Variants in PTPRQ observed in about 807,000 individuals in gnomAD.
PTPRQ encodes phosphatidylinositol phosphatase PTPRQ.
In PTPRQ, 199 loss-of-function variants were observed where a neutral mutation model predicts 246.0. That is an observed-to-expected ratio of 0.81 (90% CI 0.72 to 0.91). PTPRQ has a LOEUF of 0.91. Among genes scored for constraint, PTPRQ ranks in the 40% least tolerant of loss-of-function variants. The pLI is 0.00. For synonymous variants in PTPRQ, 869 were observed against 853.2 expected (o/e 1.02, Z -0.32); for missense variants, 2,624 against 2,528.4 (o/e 1.04, Z -0.81).
chr12:80,468,460 G>A lies in PTPRQ; in HGVS notation c.911-250G>A, dbSNP rs75832109. Among the ~76,000 whole-genome samples, 8,345 of 152,166 alleles carry A rather than the reference G, an allele frequency of 0.055. 297 individuals are homozygous for A. The highest frequency in any genetic ancestry group is 0.088 in the Middle Eastern group (26 of 294). On this transcript the variant is annotated intron_variant, in intron 6 of 44. Transcript: ENST00000644991. ...CAATGAATATTAGAATGAAACTTGCGCAGTGCAATAGTAAACAGTATTAAA... is the reference window on the plus strand; with the variant it reads ...CAATGAATATTAGAATGAAACTTGCACAGTGCAATAGTAAACAGTATTAAA...
At chr12:80,655,641 T>TAC (rs903109367) in intron 38 of PTPRQ, among the ~76,000 whole-genome samples, 2 of 151,560 alleles carry the variant, frequency 1.3e-5, no homozygotes, top group East Asian at 1.9e-4. Context: ...CACACACATG[T>TAC]ACACACACAC....
rs571001390 is a variant in PTPRQ, at chr12:80,645,595, C to T, written c.5916-3302C>T. On this transcript the variant is annotated intron_variant, in intron 35 of 44. Transcript: ENST00000644991. ...GCCCTGAAGTATATATGAGCCCAAA[C>T]ACTTGTATCCTTAATGCAGGGACTT... is the stretch of plus-strand genomic sequence containing the variant. Among the ~76,000 whole-genome samples the T allele has an allele frequency of 4.0e-5, 6 of 151,644 alleles. No individual in the cohort carries two copies. In the East Asian group the frequency reaches 5.8e-4, roughly 15 times the overall value.
Position 80,478,606 on chromosome 12 carries a change from G to C in PTPRQ, c.1187-5827G>C, listed in dbSNP as rs564070747. 1.3e-3 allele frequency among the ~76,000 whole-genome samples: 200 copies of C among 152,210 alleles called. 3 individuals carry two copies. Among genetic ancestry groups the C allele is most frequent in the Admixed American group, 2.7e-3 (42 of 15,278 alleles). ...CTACAGGAGGACATTCAAACCAAAG[G>C]CAAAGAAGTTGAAAACTGTGAAAAA... is the stretch of plus-strand genomic sequence containing the variant. On this transcript the variant is annotated intron_variant, in intron 8 of 44. Transcript: ENST00000644991.
At chr12:80,460,538 A>G (rs768687946) in intron 5 of PTPRQ, 115 bp from the exon 6 acceptor site, 167 of 395,428 alleles carry the variant, frequency 4.2e-4, no homozygotes, top group Middle Eastern at 6.3e-4. Flanking sequence ...TAACTTTTGC[A>G]TGTTATGTGT....
chr12:80,495,443 T>C, intron 12 of PTPRQ, 72 bp downstream of exon 12: 1 of 1,456,430 alleles, frequency 6.9e-7, no homozygotes, highest in Non-Finnish European at 9.0e-7. Context: ...AATATGCCCA[T>C]CTCCCTGTGC....
chr12:80,501,073 A>G (rs546250234), intron 14 of PTPRQ, among the ~76,000 whole-genome samples: 36 of 151,946 alleles, frequency 2.4e-4, no homozygotes, highest in African/African-American at 8.4e-4. Flanking sequence ...GCAATTGCCA[A>G]CTTCTTATAG....
intron 26 of PTPRQ, among the ~76,000 whole-genome samples, chr12:80,597,083 A>G (rs1424902896): frequency 6.6e-6 from 1 of 152,024 alleles, no homozygotes; most frequent in East Asian, 1.9e-4. Flanking sequence ...TATGACATAG[A>G]GAAGCTATCC....
chr12:80,591,252 A>T (rs1386005686), intron 26 of PTPRQ, among the ~76,000 whole-genome samples: 1 of 151,194 alleles, frequency 6.6e-6, no homozygotes, highest in Non-Finnish European at 1.5e-5. Flanking sequence ...CAGCCTCCTA[A>T]GTAGCTAAGA....
intron 35 of PTPRQ, among the ~76,000 whole-genome samples, chr12:80,642,916 T>C (rs1444207108): frequency 1.6e-5 from 1 of 63,940 alleles, no homozygotes; most frequent in Non-Finnish European, 2.3e-5. Context: ...CGAGACTCCG[T>C]CTTAAAAAAA....
intron 23 of PTPRQ, 116 bp downstream of exon 23, chr12:80,542,997 C>G: frequency 1.3e-6 from 1 of 744,564 alleles, no homozygotes; most frequent in Non-Finnish European, 2.0e-6. Flanking sequence ...TTTTTTTAAA[C>G]TTCTTTATTT....
At chr12:80,650,568 T>C (rs1388076506) in intron 37 of PTPRQ, among the ~76,000 whole-genome samples, 1 of 152,016 alleles carries the variant, frequency 6.6e-6, no homozygotes, top group African/African-American at 2.4e-5. Context: ...AATTCAGAAT[T>C]ATAATATTTC....
In PTPRQ at chr12:80,549,502, T is replaced by A; in HGVS notation, c.4053T>A (p.Thr1351=). The part of the protein sequence containing the change: ...DVVQNMQCMA[T]SWQSVLVKWD... The stretch of plus-strand genomic sequence containing the variant: ...TGCAGAATATGCAGTGCATGGCAAC[T>A]AGCTGGCAGTCAGTTTTAGTGAAAT... Residue 1351 remains threonine (T), a synonymous_variant, in exon 25 of 45, where the codon ACT becomes ACA. Coordinates refer to ENST00000644991, the MANE Select transcript of PTPRQ (RefSeq NM_001145026.2). 6.4e-7 allele frequency: 1 copy of A among 1,550,896 alleles called. No homozygotes were observed. The highest frequency in any genetic ancestry group is 8.7e-7 in the Non-Finnish European group (1 of 1,146,456).
chr12:80,584,611 G>T (rs771333385), intron 25 of PTPRQ, among the ~76,000 whole-genome samples: 1 of 152,030 alleles, frequency 6.6e-6, no homozygotes, highest in Non-Finnish European at 1.5e-5. Flanking sequence ...TGTTATTGCC[G>T]ACATGAATTA....
At chr12:80,464,364 T>C (rs928155013) in intron 6 of PTPRQ, among the ~76,000 whole-genome samples, 2 of 53,654 alleles carry the variant, frequency 3.7e-5, no homozygotes, top group African/African-American at 1.7e-4. Context: ...CCCAGATTCA[T>C]AAAGCAAGTC....
chr12:80,610,802 G>T (rs2121101366), intron 28 of PTPRQ, among the ~76,000 whole-genome samples, 177 bp downstream of exon 28: 1 of 150,470 alleles, frequency 6.6e-6, no homozygotes, highest in East Asian at 2.0e-4. Flanking sequence ...TTATATTTTT[G>T]AGGTAAAGAG....
At chr12:80,492,206 A>G (rs1894471951) in intron 9 of PTPRQ, among the ~76,000 whole-genome samples, 1 of 151,942 alleles carries the variant, frequency 6.6e-6, no homozygotes, top group African/African-American at 2.4e-5. Flanking sequence ...TTTTAAATAA[A>G]TTCCAGACTT....
intron 3 of PTPRQ, among the ~76,000 whole-genome samples, chr12:80,448,946 C>T (rs1377503940): frequency 2.0e-5 from 3 of 149,308 alleles, no homozygotes; most frequent in Non-Finnish European, 3.0e-5. Flanking sequence ...TGAGGAATCG[C>T]CACACTGACT....
At chr12:80,582,221 G>A (rs1426155741) in intron 25 of PTPRQ, among the ~76,000 whole-genome samples, 1 of 152,040 alleles carries the variant, frequency 6.6e-6, no homozygotes, top group African/African-American at 2.4e-5. Context: ...GAAGAAAAAG[G>A]CAAAATATAT....
chr12:80,646,643 C>T (rs999360981), intron 35 of PTPRQ, among the ~76,000 whole-genome samples: 9 of 151,944 alleles, frequency 5.9e-5, no homozygotes, highest in Admixed American at 3.9e-4. Flanking sequence ...TCCTTGCATG[C>T]GAATGTTGAG....
Sources: allele counts gnomAD v4.1 joint callset (sites outside exome capture counted in the v4.1 genomes callset), GRCh38; gene constraint gnomAD v4.1.1; transcripts MANE v1.5; gene names NCBI Gene and HGNC (gene_info 2026-07-23, HGNC 2026-07-21).